CASK: variants seen among roughly 807,000 people sequenced by gnomAD.
The protein encoded by CASK is calcium/calmodulin dependent serine protein kinase.
Under a neutral mutation model 82.9 loss-of-function variants are expected in CASK, and 4 were observed. The observed-to-expected ratio is 0.05, with a 90% CI of 0.02 to 0.11. CASK has a LOEUF of 0.11. Among genes scored for constraint, CASK ranks in the 10% least tolerant of loss-of-function variants. CASK has a pLI of 1.00. For synonymous variants in CASK, 259 were observed against 253.5 expected (o/e 1.02, Z -0.20); for missense variants, 358 against 720.9 (o/e 0.50, Z 5.76).
rs139782915 is a variant in CASK at position 41,684,643 on chromosome X, C to T, written c.430-13113G>A. On this transcript the variant is annotated intron_variant, in intron 5 of 26. Transcript: ENST00000378163. ...TCCCAAGTAGCTAGGATTACAGGAG[C>T]GTGCCACCATGCCTGACTAATTTTT... 8.1e-3 allele frequency among the ~76,000 whole-genome samples: 902 copies of T among 110,846 alleles called. 5 individuals carry two copies. Among genetic ancestry groups the T allele is most frequent in the South Asian group, 0.019 (49 of 2,598 alleles).
chrX:41,618,886 G>T lies in CASK; in HGVS notation c.1033+3731C>A, dbSNP rs1303933440. Among the ~76,000 whole-genome samples, 7 of 104,089 alleles carry T rather than the reference G, an allele frequency of 6.7e-5. No individual in the cohort carries two copies. In the Admixed American group the frequency reaches 7.2e-4, roughly 11 times the overall value. The allele number at this position is 104,089 out of a possible 115,157, so 90.4% of individuals were successfully genotyped here. Reference sequence around the variant, plus strand: ...CTGTCGCCCAGGCTGGAGGGCGGTGGTGTGATCTCGGCTCACTGCAAGCTC... The same window carrying T: ...CTGTCGCCCAGGCTGGAGGGCGGTGTTGTGATCTCGGCTCACTGCAAGCTC... On this transcript the variant is annotated intron_variant, in intron 11 of 26. Coordinates refer to ENST00000378163, the MANE Select transcript of CASK (RefSeq NM_001367721.1).
At chrX:41,890,277 C>T (rs1374325958) in intron 1 of CASK, among the ~76,000 whole-genome samples, 1 of 108,495 alleles carries the variant, frequency 9.2e-6, no homozygotes, top group African/African-American at 3.4e-5. Flanking sequence ...CTATGCTCTG[C>T]CTGCCCTTCC....
intron 21 of CASK, among the ~76,000 whole-genome samples, chrX:41,544,888 C>T (rs1049411302): frequency 1.8e-5 from 2 of 110,972 alleles, no homozygotes; most frequent in African/African-American, 6.5e-5. Flanking sequence ...GAGACAGAGA[C>T]CCTGACTTTA....
chrX:41,631,811 T>C (rs1324229125), intron 9 of CASK, among the ~76,000 whole-genome samples: 1 of 111,996 alleles, frequency 8.9e-6, no homozygotes, highest in African/African-American at 3.2e-5. Flanking sequence ...ATTAATTGAT[T>C]TGTAAAATCA....
chrX:41,610,390 T>C (rs1185838412), intron 11 of CASK, among the ~76,000 whole-genome samples: 2 of 111,905 alleles, frequency 1.8e-5, no homozygotes, highest in Non-Finnish European at 3.8e-5. Flanking sequence ...TGAAATATTA[T>C]AGAAACGAGG....
intron 1 of CASK, among the ~76,000 whole-genome samples, chrX:41,906,004 T>C (rs2072463371): frequency 8.9e-6 from 1 of 112,502 alleles, no homozygotes; most frequent in Admixed American, 9.4e-5. Context: ...TCCACTACTA[T>C]GTTCGGCATA....
At chrX:41,698,813 A>G (rs1223296406) in intron 5 of CASK, among the ~76,000 whole-genome samples, 1 of 111,931 alleles carries the variant, frequency 8.9e-6, no homozygotes, top group African/African-American at 3.2e-5. Context: ...AATACTTCTT[A>G]AAACTTAAGG....
intron 1 of CASK, among the ~76,000 whole-genome samples, chrX:41,888,422 A>C (rs1630141): frequency 0.18 from 19,596 of 107,960 alleles, 1,542 homozygotes; most frequent in Middle Eastern, 0.3. Flanking sequence ...CCCCTCCCAC[A>C]CTTTCCCTTG....
chrX:41,864,604 A>G (rs2071554542), intron 1 of CASK, among the ~76,000 whole-genome samples: 1 of 112,067 alleles, frequency 8.9e-6, no homozygotes, highest in Non-Finnish European at 1.9e-5. Flanking sequence ...CTGATTTCAA[A>G]CAACTTTTGT....
At chrX:41,684,158 T>A (rs1238186258) in intron 5 of CASK, among the ~76,000 whole-genome samples, 2 of 112,189 alleles carry the variant, frequency 1.8e-5, no homozygotes, top group Non-Finnish European at 1.9e-5. Context: ...TGAAGAGTGG[T>A]AAGATATTTA....
intron 12 of CASK, among the ~76,000 whole-genome samples, chrX:41,591,353 CA>C (rs1321787205): frequency 8.9e-6 from 1 of 111,779 alleles, no homozygotes; most frequent in East Asian, 2.8e-4. Context: ...AATGCAAAAC[CA>C]AAAAAACTAA....
intron 5 of CASK, chrX:41,724,254 C>T (rs1345621078): frequency 8.9e-6 from 1 of 112,584 alleles, no homozygotes; most frequent in Non-Finnish European, 1.9e-5. Context: ...CTGCCCTGAA[C>T]AATATAACCT....
intron 3 of CASK, among the ~76,000 whole-genome samples, chrX:41,775,336 T>G (rs182336676): frequency 0.017 from 1,856 of 110,714 alleles, 18 homozygotes; most frequent in Middle Eastern, 0.028. Flanking sequence ...CACAATGAGA[T>G]ACCATCCCAC....
At chrX:41,848,980 A>G (rs756665036) in intron 2 of CASK, among the ~76,000 whole-genome samples, 1 of 112,067 alleles carries the variant, frequency 8.9e-6, no homozygotes, top group East Asian at 2.8e-4. Flanking sequence ...GTTGATTCTG[A>G]CATTTCTGTC....
At chrX:41,672,370 A>T (rs2067208361) in intron 5 of CASK, among the ~76,000 whole-genome samples, 1 of 111,137 alleles carries the variant, frequency 9.0e-6, no homozygotes, top group South Asian at 3.8e-4. Context: ...TCAGGAAAGA[A>T]TTTCATAATG....
chrX:41,797,055 A>G (rs779514097), intron 2 of CASK, among the ~76,000 whole-genome samples: 3 of 111,900 alleles, frequency 2.7e-5, no homozygotes, highest in East Asian at 2.8e-4. Context: ...TTTAAGTCCA[A>G]CAACTTAACT....
At chrX:41,798,288 G>C (rs1438413789) in intron 2 of CASK, among the ~76,000 whole-genome samples, 2 of 112,074 alleles carry the variant, frequency 1.8e-5, no homozygotes, top group African/African-American at 6.5e-5. Context: ...TGGGCACCCA[G>C]CGTTTCACCA....
At chrX:41,648,311 AC>A (rs1479766816) in intron 8 of CASK, among the ~76,000 whole-genome samples, 14 of 111,195 alleles carry the variant, frequency 1.3e-4, no homozygotes, top group Admixed American at 1.2e-3. Flanking sequence ...TGATCTCAAA[AC>A]CCTGTCTCCT....
At chrX:41,854,457 TC>T (rs1173188103) in intron 1 of CASK, among the ~76,000 whole-genome samples, 3 of 112,091 alleles carry the variant, frequency 2.7e-5, no homozygotes, top group Non-Finnish European at 5.6e-5. Context: ...GCGTGTATTT[TC>T]CCCCTCCTGG....
Sources: gnomAD v4.1 joint callset for allele counts (sites outside exome capture counted in the v4.1 genomes callset) on GRCh38, gnomAD v4.1.1 for gene constraint, MANE v1.5 for transcripts, NCBI Gene and HGNC (gene_info 2026-07-23, HGNC 2026-07-21) for gene names.